The following PTPRD variants were observed in gnomAD, a reference collection of about 807,000 sequenced individuals.
PTPRD encodes the protein protein tyrosine phosphatase receptor type D.
Under a neutral mutation model 214.5 loss-of-function variants are expected in PTPRD, and 34 were observed. The observed-to-expected ratio is 0.16, with a 90% confidence interval of 0.12 to 0.21. PTPRD has a LOEUF of 0.21. Ranked by LOEUF, PTPRD falls within the 10% of genes least tolerant of loss-of-function variation. PTPRD has a pLI of 1.00. For synonymous variants in PTPRD, 1,128 were observed against 845.7 expected (o/e 1.33, Z -5.79); for missense variants, 2,545 against 2,398.7 (o/e 1.06, Z -1.27).
intron 11 of PTPRD, among the ~76,000 whole-genome samples, chr9:8,820,881 A>G (rs1189672304): frequency 6.6e-6 from 1 of 152,160 alleles, no homozygotes; most frequent in Admixed American, 6.5e-5. Flanking sequence ...CTACACGACA[A>G]GTCAAGGAGT....
chr9:10,321,875 C>T (rs2096559238), intron 3 of PTPRD, among the ~76,000 whole-genome samples: 1 of 151,754 alleles, frequency 6.6e-6, no homozygotes, highest in Non-Finnish European at 1.5e-5. Flanking sequence ...AAGAGGAATT[C>T]GCATTACTCT....
intron 11 of PTPRD, among the ~76,000 whole-genome samples, chr9:8,899,843 A>G (rs765665126): frequency 6.6e-6 from 1 of 152,180 alleles, no homozygotes; most frequent in Non-Finnish European, 1.5e-5. Flanking sequence ...AAATGAGAGA[A>G]GTTCATCCGG....
chr9:10,294,114 G>A (rs1299082863), intron 3 of PTPRD, among the ~76,000 whole-genome samples: 1 of 151,902 alleles, frequency 6.6e-6, no homozygotes, highest in Non-Finnish European at 1.5e-5. Flanking sequence ...TTGGTGTCTT[G>A]ATTGGAAATT....
At chr9:8,843,111 T>C (rs1475899615) in intron 11 of PTPRD, among the ~76,000 whole-genome samples, 1 of 152,212 alleles carries the variant, frequency 6.6e-6, no homozygotes, top group Non-Finnish European at 1.5e-5. Flanking sequence ...GCAGTCACAA[T>C]GGCTGAAGAC....
rs573625010 is a variant in PTPRD at position 9,938,078 on chromosome 9, G to A, written c.-368+429C>T. 2.6e-5 allele frequency among the ~76,000 whole-genome samples: 4 copies of A among 152,142 alleles called. 1 individual carries two copies. The South Asian group carries it at 8.3e-4, about 32-fold the overall frequency. ...AACTCTGGAAATGACAAAACCTGAGGTCCTGAAGGGTTACTCGGCCCTCAG... is the reference window on the plus strand; with the variant it reads ...AACTCTGGAAATGACAAAACCTGAGATCCTGAAGGGTTACTCGGCCCTCAG... On this transcript the variant is annotated intron_variant, in intron 5 of 45. Coordinates refer to ENST00000381196, the MANE Select transcript of PTPRD (RefSeq NM_002839.4).
At chr9:9,908,464 C>G (rs10759097) in intron 5 of PTPRD, among the ~76,000 whole-genome samples, 142,179 of 152,062 alleles carry the variant, frequency 0.94, 66,505 homozygotes, top group Admixed American at 0.95. Flanking sequence ...CTGTAGGACT[C>G]AAAGGAAACA....
At chr9:9,934,728 A>G (rs2088454006) in intron 5 of PTPRD, among the ~76,000 whole-genome samples, 2 of 151,918 alleles carry the variant, frequency 1.3e-5, no homozygotes, top group South Asian at 4.2e-4. Context: ...TCATTTTATG[A>G]GGCCAGCATC....
intron 8 of PTPRD, among the ~76,000 whole-genome samples, chr9:9,574,238 A>G (rs925900128): frequency 2.6e-5 from 4 of 151,900 alleles, no homozygotes; most frequent in Admixed American, 2.0e-4. Context: ...AAGCCTTAAA[A>G]ATTGCCTTAG....
chr9:10,574,426 G>A (rs183468315), intron 2 of PTPRD, among the ~76,000 whole-genome samples: 1 of 152,014 alleles, frequency 6.6e-6, no homozygotes. Flanking sequence ...CTCTGAGGTA[G>A]TCGGTACAGG....
At chr9:10,252,227 G>A (rs1173982633) in intron 3 of PTPRD, among the ~76,000 whole-genome samples, 1 of 152,060 alleles carries the variant, frequency 6.6e-6, no homozygotes, top group Non-Finnish European at 1.5e-5. Context: ...AATCAATACA[G>A]CACGATGGAC....
chr9:9,119,418 T>C (rs899336999), intron 10 of PTPRD, among the ~76,000 whole-genome samples: 8 of 152,208 alleles, frequency 5.3e-5, no homozygotes, highest in African/African-American at 1.9e-4. Context: ...AACTCTATTT[T>C]CTGGACAAAA....
At chr9:8,934,391 TTA>T (rs1254883816) in intron 11 of PTPRD, among the ~76,000 whole-genome samples, 3 of 86,590 alleles carry the variant, frequency 3.5e-5, no homozygotes, top group African/African-American at 1.0e-4. Context: ...CAAATACTAA[TTA>T]TGTGTGTGTG....
At chr9:10,105,838 G>A (rs1591326248) in intron 3 of PTPRD, among the ~76,000 whole-genome samples, 1 of 151,386 alleles carries the variant, frequency 6.6e-6, no homozygotes, top group East Asian at 1.9e-4. Context: ...CAGGACCCCT[G>A]CAATAGGGAA....
intron 2 of PTPRD, among the ~76,000 whole-genome samples, chr9:10,374,230 A>C (rs1229742487): frequency 6.6e-6 from 1 of 152,110 alleles, no homozygotes; most frequent in Non-Finnish European, 1.5e-5. Flanking sequence ...TATAGGCCTT[A>C]ATGCATAAAC....
intron 37 of PTPRD, among the ~76,000 whole-genome samples, chr9:8,382,862 C>A (rs2085582978): frequency 1.3e-5 from 2 of 152,186 alleles, no homozygotes; most frequent in African/African-American, 2.4e-5. Context: ...CTTTAGGCTG[C>A]AGTTTGAGAA....
At chr9:9,728,453 T>C (rs1222236190) in intron 7 of PTPRD, among the ~76,000 whole-genome samples, 1 of 152,172 alleles carries the variant, frequency 6.6e-6, no homozygotes, top group African/African-American at 2.4e-5. Flanking sequence ...AATTAGCTGT[T>C]GTAGAAATGA....
chr9:10,314,590 T>G (rs1245825174), intron 3 of PTPRD, among the ~76,000 whole-genome samples: 1 of 151,906 alleles, frequency 6.6e-6, no homozygotes, highest in African/African-American at 2.4e-5. Flanking sequence ...AGCTCAAGGC[T>G]GAAATACATA....
chr9:10,482,328 G>A (rs189835426), intron 2 of PTPRD, among the ~76,000 whole-genome samples: 100 of 152,052 alleles, frequency 6.6e-4, no homozygotes, highest in African/African-American at 2.0e-3. Flanking sequence ...CCGAGATGGC[G>A]CCACTGCACT....
chr9:9,001,634 A>G (rs1228670320), intron 11 of PTPRD, among the ~76,000 whole-genome samples: 1 of 151,970 alleles, frequency 6.6e-6, no homozygotes, highest in Non-Finnish European at 1.5e-5. Context: ...ATTTAATTTC[A>G]GCTAGGTTAG....
Sources: gnomAD v4.1 joint callset for allele counts (sites outside exome capture counted in the v4.1 genomes callset) on GRCh38, gnomAD v4.1.1 for gene constraint, MANE v1.5 for transcripts, NCBI Gene and HGNC (gene_info 2026-07-23, HGNC 2026-07-21) for gene names.